The following TSPAN9 variants were observed in gnomAD, a reference collection of about 807,000 sequenced individuals.
The protein encoded by TSPAN9 is tetraspanin 9.
A neutral mutation model predicts 31.0 loss-of-function variants in TSPAN9; 16 were observed. The ratio of observed to expected loss-of-function variants is 0.52; its 90% confidence interval spans 0.35 to 0.78. The LOEUF (loss-of-function observed/expected upper bound fraction) is 0.78. TSPAN9 is among the 30% of genes least tolerant of loss of function. TSPAN9 has a pLI of 0.01. For missense variants in TSPAN9, 272 were observed against 312.5 expected, an observed-to-expected ratio of 0.87 and a Z score of 0.98; for synonymous variants, 145 against 121.6, an observed-to-expected ratio of 1.19 and a Z score of -1.27.
At position 3,258,856 on chromosome 12, in the gene TSPAN9, G is replaced by C. The variant is rs184968663; in HGVS notation, c.64-19565G>C. On this transcript the variant is annotated intron_variant, in intron 3 of 8. Coordinates refer to ENST00000011898, the MANE Select transcript of TSPAN9 (RefSeq NM_006675.5). Reference sequence around the variant, plus strand: ...TTCATGGTCTCAGTGGACCAAGAGTGCCCAGAGGGCAGCCAGACTACATTG... The same window carrying C: ...TTCATGGTCTCAGTGGACCAAGAGTCCCCAGAGGGCAGCCAGACTACATTG... Among the ~76,000 whole-genome samples the C allele has an allele frequency of 2.9e-4, 44 of 152,278 alleles. No individual in the cohort carries two copies. In the South Asian group the frequency reaches 8.9e-3, roughly 31 times the overall value.
intron 3 of TSPAN9, among the ~76,000 whole-genome samples, chr12:3,246,395 A>C (rs1862127915): frequency 6.6e-6 from 1 of 151,900 alleles, no homozygotes; most frequent in South Asian, 2.1e-4. Context: ...CCAGCTCCCC[A>C]CCCCACTCTT....
chr12:3,244,319 C>G (rs2098398187), intron 3 of TSPAN9, among the ~76,000 whole-genome samples: 1 of 152,144 alleles, frequency 6.6e-6, no homozygotes, highest in Non-Finnish European at 1.5e-5. Flanking sequence ...TTTTTCTGGA[C>G]CTCCAAAGCC....
chr12:3,183,072 G>A (rs989517232), intron 2 of TSPAN9, among the ~76,000 whole-genome samples: 1 of 152,204 alleles, frequency 6.6e-6, no homozygotes, highest in African/African-American at 2.4e-5. Context: ...CAGAGCTAGC[G>A]CCATTGCTGA....
intron 2 of TSPAN9, among the ~76,000 whole-genome samples, chr12:3,114,648 G>A (rs564108960): frequency 1.3e-5 from 2 of 152,178 alleles, no homozygotes; most frequent in Non-Finnish European, 2.9e-5. Flanking sequence ...TTCGAGACCA[G>A]CCTGGCCAAT....
At chr12:3,122,349 C>G (rs961456039) in intron 2 of TSPAN9, among the ~76,000 whole-genome samples, 2 of 151,692 alleles carry the variant, frequency 1.3e-5, no homozygotes, top group African/African-American at 4.8e-5. Context: ...GAGTCTTGCT[C>G]TGTCACCCAG....
At chr12:3,123,622 TG>T (rs1436911970) in intron 2 of TSPAN9, among the ~76,000 whole-genome samples, 23 of 72,340 alleles carry the variant, frequency 3.2e-4, no homozygotes, top group Non-Finnish European at 5.0e-4. Context: ...TTTATTATTA[TG>T]TATTTTTTTT....
intron 3 of TSPAN9, among the ~76,000 whole-genome samples, chr12:3,250,396 A>G (rs561373628): frequency 4.0e-4 from 61 of 152,346 alleles, no homozygotes; most frequent in African/African-American, 1.4e-3. Context: ...ATCCAACCCC[A>G]TCAGCCCTGT....
intron 2 of TSPAN9, among the ~76,000 whole-genome samples, chr12:3,115,973 C>A (rs533780073): frequency 2.6e-4 from 40 of 152,288 alleles, no homozygotes; most frequent in African/African-American, 9.4e-4. Context: ...TTTTTAACAA[C>A]CCTTTTTACT....
At position 3,246,141 on chromosome 12, in the gene TSPAN9, G is replaced by GA. The variant is rs397798426; in HGVS notation, c.64-32278dup. ...TTCAGTCATGGTGGAAGATGAAGGG[G>GA]AACAGGCACTAAACATGACAAAAGC... On this transcript the variant is annotated intron_variant, in intron 3 of 8. Coordinates refer to ENST00000011898, the MANE Select transcript of TSPAN9 (RefSeq NM_006675.5). 1.0e-4 allele frequency among the ~76,000 whole-genome samples: 15 copies of GA among 150,722 alleles called. No homozygotes were observed. In the South Asian group the frequency reaches 3.0e-3, roughly 30 times the overall value.
At chr12:3,113,197 G>A (rs965570170) in intron 2 of TSPAN9, among the ~76,000 whole-genome samples, 3 of 152,220 alleles carry the variant, frequency 2.0e-5, no homozygotes, top group African/African-American at 7.2e-5. Context: ...TGGGTAGCGG[G>A]AAGTGTGGTG....
rs1008550792 is a variant in TSPAN9 at position 3,083,637 on chromosome 12, T to A, written c.-84-16T>A. 1 of 152,198 alleles carries A rather than the reference T, an allele frequency of 6.6e-6. No homozygotes were observed. Among genetic ancestry groups the A allele is most frequent in the African/African-American group, 2.4e-5 (1 of 41,430 alleles). 9.4% of individuals were successfully genotyped at this position (152,198 alleles called of 1,614,324 possible). On this transcript the variant is annotated splice_polypyrimidine_tract_variant and intron_variant, in intron 1 of 8. Transcript: ENST00000011898. ...TTCTTACCAAAGTGATGACCTAATT[T>A]TTTGCCTTCCTGCAGGAATATCCTG...
At chr12:3,177,295 G>A (rs1160179708) in intron 2 of TSPAN9, among the ~76,000 whole-genome samples, 2 of 151,954 alleles carry the variant, frequency 1.3e-5, no homozygotes, top group African/African-American at 2.4e-5. Flanking sequence ...CTGCCACCAT[G>A]CCCAGCTAAT....
At chr12:3,184,700 C>T (rs1179914693) in intron 2 of TSPAN9, among the ~76,000 whole-genome samples, 2 of 152,194 alleles carry the variant, frequency 1.3e-5, no homozygotes, top group Admixed American at 6.5e-5. Flanking sequence ...ATGTGTGACC[C>T]GTCCTGCCCT....
chr12:3,221,360 C>CTTT lies in TSPAN9; in HGVS notation c.63+20118_63+20120dup, dbSNP rs61424013. 7.3e-4 allele frequency among the ~76,000 whole-genome samples: 103 copies of CTTT among 141,350 alleles called. 1 individual carries two copies. The highest frequency in any genetic ancestry group is 1.6e-3 in the Admixed American group (22 of 14,124). The allele number at this position is 141,350 out of a possible 152,430, so 92.7% of individuals were successfully genotyped here. A position where few individuals can be genotyped will look rare whatever the true frequency, so the allele number is the denominator to read the frequency against. On this transcript the variant is annotated intron_variant, in intron 3 of 8. Transcript: ENST00000011898. Reference sequence around the variant, plus strand: ...TATTTTTTATTTAAAATATTTTTCTCTTTTTTTTTTTTTTTTAGATGAAGT... The same window carrying CTTT: ...TATTTTTTATTTAAAATATTTTTCTCTTTTTTTTTTTTTTTTTTTAGATGAAGT...
At chr12:3,216,399 C>G (rs2098381424) in intron 3 of TSPAN9, among the ~76,000 whole-genome samples, 1 of 152,206 alleles carries the variant, frequency 6.6e-6, no homozygotes, top group Admixed American at 6.5e-5. Context: ...CAAGCTCACA[C>G]TGGGCACTCG....
chr12:3,277,459 A>G (rs1440629111), intron 3 of TSPAN9, among the ~76,000 whole-genome samples: 1 of 152,206 alleles, frequency 6.6e-6, no homozygotes, highest in African/African-American at 2.4e-5. Context: ...TCCAGCCAGA[A>G]CAGAGGCCCC....
chr12:3,241,806 G>C (rs74528062), intron 3 of TSPAN9, among the ~76,000 whole-genome samples: 11,478 of 152,244 alleles, frequency 0.075, 530 homozygotes, highest in Middle Eastern at 0.14. Context: ...GTGTGTCACT[G>C]GGCTCAGTAT....
intron 2 of TSPAN9, among the ~76,000 whole-genome samples, chr12:3,184,258 C>T (rs1397925994): frequency 2.0e-5 from 3 of 151,886 alleles, no homozygotes; most frequent in Non-Finnish European, 4.4e-5. Flanking sequence ...ATTAGCTGGG[C>T]GTGGTGGTGC....
At chr12:3,177,545 G>A (rs536255158) in intron 2 of TSPAN9, among the ~76,000 whole-genome samples, 62 of 152,268 alleles carry the variant, frequency 4.1e-4, no homozygotes, top group South Asian at 1.9e-3. Context: ...AGATTCTCCT[G>A]CCTCAGCCTC....
Sources: allele counts gnomAD v4.1 joint callset (sites outside exome capture counted in the v4.1 genomes callset), GRCh38; gene constraint gnomAD v4.1.1; transcripts MANE v1.5; gene names NCBI Gene and HGNC (gene_info 2026-07-23, HGNC 2026-07-21).